The following FLAD1 variants were observed in gnomAD, a reference collection of about 807,000 sequenced individuals.
The protein encoded by FLAD1 is bifunctional FAD diphosphatase/FAD synthase.
A neutral mutation model predicts 55.0 loss-of-function variants in FLAD1; 35 were observed. That is an observed-to-expected ratio of 0.64 (90% CI 0.49 to 0.84). The LOEUF (loss-of-function observed/expected upper bound fraction) is 0.84, where lower values mean the gene tolerates loss of function less well. FLAD1 is among the 40% of genes least tolerant of loss of function. FLAD1 has a pLI of 0.00. For synonymous variants in FLAD1, 267 were observed against 303.0 expected (o/e 0.88, Z 1.23); for missense variants, 665 against 742.6 (o/e 0.90, Z 1.21).
chr1:154,989,733 C>A, intron 3 of FLAD1, 26 bp downstream of exon 3: 1 of 1,490,816 alleles, frequency 6.7e-7, no homozygotes, highest in East Asian at 2.4e-5. Flanking sequence ...GGAGACAAGA[C>A]CCCTGATCTG....
intron 1 of FLAD1, among the ~76,000 whole-genome samples, 199 bp downstream of exon 1, chr1:154,984,265 C>A (rs1657463039): frequency 6.6e-6 from 1 of 151,852 alleles, no homozygotes; most frequent in Non-Finnish European, 1.5e-5. Flanking sequence ...GTAGCAAAGT[C>A]CCTACAATTT....
At chr1:154,989,023 C>A in intron 2 of FLAD1, 174 bp downstream of exon 2, 1 of 1,437,956 alleles carries the variant, frequency 7.0e-7, no homozygotes, top group Non-Finnish European at 9.2e-7. Context: ...TTTTCATCAG[C>A]ACTGTGCTAG....
intron 1 of FLAD1, among the ~76,000 whole-genome samples, chr1:154,987,312 A>G (rs1558074138): frequency 1.3e-5 from 2 of 152,248 alleles, no homozygotes; most frequent in East Asian, 3.9e-4. Flanking sequence ...TACAGGCATG[A>G]GCCACCATGC....
At chr1:154,984,255 G>T (rs2102236610) in intron 1 of FLAD1, among the ~76,000 whole-genome samples, 189 bp downstream of exon 1, 1 of 152,118 alleles carries the variant, frequency 6.6e-6, no homozygotes, top group African/African-American at 2.4e-5. Flanking sequence ...TGAAAAACTT[G>T]TAGCAAAGTC....
chr1:154,987,823 A>C, intron 1 of FLAD1: 1 of 767,990 alleles, frequency 1.3e-6, no homozygotes, highest in Non-Finnish European at 2.0e-6. Context: ...CTGTAGTCCC[A>C]GCTACTCGGA....
rs1657935515 is a variant in FLAD1, at chr1:154,992,712, G to C, written c.1555-1G>C. The C allele has an allele frequency of 1.2e-6, 2 of 1,614,072 alleles. No homozygotes were observed. Among genetic ancestry groups the C allele is most frequent in the African/African-American group, 1.3e-5 (1 of 74,906 alleles). On this transcript the variant is annotated splice_acceptor_variant, in intron 5 of 6. Coordinates refer to ENST00000292180, the MANE Select transcript of FLAD1 (RefSeq NM_025207.5). LOFTEE classifies it high-confidence loss of function. ...ACTATTCTATTACTCTGACCTCCCA[G>C]GACTGGACCTACAGAGACATCTGGG...
rs759133281 is a variant in FLAD1, at chr1:154,992,738, A to G, written c.1580A>G (p.Asp527Gly). ...GACTGGACCTACAGAGACATCTGGG[A>G]TTTTCTGCGTCAGCTGTTTGTCCCA... The part of the protein sequence containing the change: ...LLDWTYRDIW[D>G]FLRQLFVPYC... Residue 527 changes from aspartate (D) to glycine (G), a missense_variant, in exon 6 of 7, where the codon GAT becomes GGT. Transcript: ENST00000292180. 1.3e-5 allele frequency: 21 copies of G among 1,614,056 alleles called. No homozygotes were observed. Among genetic ancestry groups the G allele is most frequent in the Non-Finnish European group, 1.8e-5 (21 of 1,180,016 alleles).
At position 154,989,716 on chromosome 1, in the gene FLAD1, GC is replaced by G; in HGVS notation, c.1265+14del. 10 of 1,498,534 alleles carry G rather than the reference GC, an allele frequency of 6.7e-6. No homozygotes were observed. Among genetic ancestry groups the G allele is most frequent in the Admixed American group, 4.6e-5 (2 of 43,544 alleles). The allele number at this position is 1,498,534 out of a possible 1,614,324, so 92.8% of individuals were successfully genotyped here. On this transcript the variant is annotated intron_variant, in intron 3 of 6. Transcript: ENST00000292180. Reference sequence around the variant, plus strand: ...CATGCAGCTGTGCAGAGGTGAGCCTGCCCCCGGGAGACAAGACCCCTGATCT... The same window carrying G: ...CATGCAGCTGTGCAGAGGTGAGCCTGCCCCGGGAGACAAGACCCCTGATCT...
rs143499209 is a variant in FLAD1, at chr1:154,992,768, G to C, written c.1610G>C (p.Cys537Ser). ...DFLRQLFVPY[C>S]ILYDRGYTSL... Reference sequence around the variant, plus strand: ...CTGCGTCAGCTGTTTGTCCCATACTGTATCCTGTATGACCGAGGGTAAGGG... The same window carrying C: ...CTGCGTCAGCTGTTTGTCCCATACTCTATCCTGTATGACCGAGGGTAAGGG... Residue 537 changes from cysteine (C) to serine (S), a missense_variant, in exon 6 of 7, where the codon TGT becomes TCT. Transcript: ENST00000292180. 231 of 1,614,036 alleles carry C rather than the reference G, an allele frequency of 1.4e-4. No homozygotes were observed. The highest frequency in any genetic ancestry group is 3.2e-4 in the Admixed American group (19 of 60,004).
intron 2 of FLAD1, 172 bp downstream of exon 2, chr1:154,989,021 A>T (rs1558075645): frequency 6.9e-7 from 1 of 1,443,572 alleles, no homozygotes; most frequent in East Asian, 2.5e-5. Flanking sequence ...TATTTTCATC[A>T]GCACTGTGCT....
Position 154,983,811 on chromosome 1 carries a change from T to C in FLAD1, c.117T>C (p.Ala39=), listed in dbSNP as rs1277700496. Residue 39 remains alanine, a synonymous_variant, in exon 1 of 7, where the codon GCT becomes GCC. Transcript: ENST00000292180. ...VFLEGSTRTP[A]LPHCLFWLLQ... ...TCGAAGGAAGCACGCGCACGCCTGC[T>C]CTCCCCCATTGTCTTTTCTGGCTTC... is the stretch of plus-strand genomic sequence containing the variant. 1.9e-6 allele frequency: 3 copies of C among 1,614,130 alleles called. No homozygotes were observed. Among genetic ancestry groups the C allele is most frequent in the African/African-American group, 1.3e-5 (1 of 75,012 alleles).
chr1:154,986,019 CTGTGTGTGTG>C (rs57098553), intron 1 of FLAD1, among the ~76,000 whole-genome samples: 81 of 143,136 alleles, frequency 5.7e-4, no homozygotes, highest in African/African-American at 1.5e-3. Flanking sequence ...CTGCGCCCGG[CTGTGTGTGTG>C]TGTGTGTGTG....
chr1:154,990,413 A>C lies in FLAD1; in HGVS notation c.1439A>C (p.Gln480Pro). The C allele has an allele frequency of 6.2e-7, 1 of 1,614,190 alleles. No homozygotes were observed. Among genetic ancestry groups the C allele is most frequent in the Non-Finnish European group, 8.5e-7 (1 of 1,180,018 alleles). ...GGTGAACTGCAGGCACGGCACCCCC[A>C]GCTGGAGGCTGTCCTTATGGGCACC... Reference protein sequence around the residue: ...ALGELQARHPQLEAVLMGTRR... With the variant: ...ALGELQARHPPLEAVLMGTRR... Residue 480 changes from glutamine (Q) to proline (P), a missense_variant, in exon 5 of 7, where the codon CAG becomes CCG. Coordinates refer to ENST00000292180, the MANE Select transcript of FLAD1 (RefSeq NM_025207.5).
intron 5 of FLAD1, 126 bp downstream of exon 5, chr1:154,990,654 G>A: frequency 2.2e-6 from 2 of 901,476 alleles, no homozygotes; most frequent in African/African-American, 1.7e-5. Flanking sequence ...ATCATCCAAG[G>A]GAGGCAGTGC....
chr1:154,989,907 G>A (rs919879134), intron 3 of FLAD1, among the ~76,000 whole-genome samples, 200 bp downstream of exon 3: 2 of 152,142 alleles, frequency 1.3e-5, no homozygotes, highest in African/African-American at 4.8e-5. Flanking sequence ...TATCCCTGAC[G>A]ACAGGGAGGT....
intron 6 of FLAD1, 38 bp from the exon 7 acceptor site, chr1:154,992,864 C>A: frequency 6.2e-7 from 1 of 1,613,898 alleles, no homozygotes; most frequent in Non-Finnish European, 8.5e-7. Context: ...GGATCGCCCA[C>A]CCTACCACAT....
chr1:154,990,641 C>T (rs1657819866), intron 5 of FLAD1, 113 bp downstream of exon 5: 1 of 1,060,152 alleles, frequency 9.4e-7, no homozygotes, highest in Middle Eastern at 2.5e-4. Context: ...ATGAAGGGGC[C>T]TCATCATCCA....
At position 154,988,582 on chromosome 1, in the gene FLAD1, C is replaced by G. The variant is rs753206752; in HGVS notation, c.850C>G (p.Leu284Val). ...AGCTGTTCAGTTCCACTCAAAGGAGCTATATGTGGCTGCTGATGAAGCCTC... is the reference window on the plus strand; with the variant it reads ...AGCTGTTCAGTTCCACTCAAAGGAGGTATATGTGGCTGCTGATGAAGCCTC... ...NPAVQFHSKELYVAADEASIA... is the reference protein window; with the variant it reads ...NPAVQFHSKEVYVAADEASIA... Residue 284 changes from leucine (L) to valine (V), a missense_variant, in exon 2 of 7, where the codon CTA becomes GTA. By Grantham distance (32) the Leu-to-Val change is conservative. Coordinates refer to ENST00000292180, the MANE Select transcript of FLAD1 (RefSeq NM_025207.5). The G allele has an allele frequency of 1.9e-6, 3 of 1,614,084 alleles. No individual in the cohort carries two copies. In the Admixed American group the frequency reaches 5.0e-5, roughly 27 times the overall value.
intron 1 of FLAD1, among the ~76,000 whole-genome samples, chr1:154,985,215 T>A (rs573540618): frequency 1.8e-4 from 26 of 148,212 alleles, no homozygotes; most frequent in African/African-American, 6.7e-4. Flanking sequence ...TCTTTGTAAA[T>A]TTGTGTTTTT....
Sources: gnomAD v4.1 joint callset for allele counts (sites outside exome capture counted in the v4.1 genomes callset) on GRCh38, gnomAD v4.1.1 for gene constraint, MANE v1.5 for transcripts, NCBI Gene and HGNC (gene_info 2026-07-23, HGNC 2026-07-21) for gene names.